Variants in GLI3 observed in about 807,000 individuals in gnomAD.
The protein encoded by GLI3 is transcription activator GLI3.
GLI3 carries 20 observed loss-of-function variants against 100.8 expected under a neutral mutation model. The ratio of observed to expected loss-of-function variants is 0.20; its 90% CI spans 0.14 to 0.29. The LOEUF (loss-of-function observed/expected upper bound fraction) is 0.29, where lower values mean the gene tolerates loss of function less well. Among genes scored for constraint, GLI3 ranks in the 10% least tolerant of loss-of-function variants. The pLI is 1.00. For missense variants in GLI3, 2,040 were observed against 2,128.5 expected (o/e 0.96, Z 0.82); for synonymous variants, 938 against 860.5 (o/e 1.09, Z -1.58).
chr7:42,079,903 C>A (rs1365906394), intron 3 of GLI3, among the ~76,000 whole-genome samples: 2 of 152,150 alleles, frequency 1.3e-5, no homozygotes, highest in African/African-American at 2.4e-5. Flanking sequence ...CCTCATATAT[C>A]CCCGAAGTAA....
At chr7:42,115,133 C>CTTTTTTT (rs56200386) in intron 3 of GLI3, among the ~76,000 whole-genome samples, 7 of 99,630 alleles carry the variant, frequency 7.0e-5, no homozygotes, top group Middle Eastern at 9.1e-3. Context: ...AATTTTCCTA[C>CTTTTTTT]TTTTTTTTTT....
chr7:42,126,701 A>G (rs1021290987), intron 3 of GLI3, among the ~76,000 whole-genome samples: 2 of 152,238 alleles, frequency 1.3e-5, no homozygotes, highest in African/African-American at 4.8e-5. Context: ...ACACTATCTT[A>G]TATCATGGTC....
intron 3 of GLI3, among the ~76,000 whole-genome samples, chr7:42,091,558 G>A (rs1785219692): frequency 6.6e-6 from 1 of 152,250 alleles, no homozygotes; most frequent in African/African-American, 2.4e-5. Flanking sequence ...CCATCCACCG[G>A]CCTGCTGTCC....
At chr7:42,209,773 GAGAA>G in intron 2 of GLI3, among the ~76,000 whole-genome samples, 1 of 150,720 alleles carries the variant, frequency 6.6e-6, no homozygotes, top group South Asian at 2.1e-4. Flanking sequence ...TGTTGTATAT[GAGAA>G]AGACTCAGCT....
intron 4 of GLI3, among the ~76,000 whole-genome samples, chr7:42,064,291 A>G (rs2128748232): frequency 6.6e-6 from 1 of 152,330 alleles, no homozygotes; most frequent in Middle Eastern, 3.4e-3. Context: ...AAAACAACGA[A>G]CAAATTTAAA....
chr7:42,235,046 C>T (rs1463602571), intron 1 of GLI3, among the ~76,000 whole-genome samples: 2 of 152,196 alleles, frequency 1.3e-5, no homozygotes, highest in Non-Finnish European at 1.5e-5. Context: ...GTCCCGGCAG[C>T]TTTAATATAT....
intron 2 of GLI3, among the ~76,000 whole-genome samples, chr7:42,197,072 T>C (rs913801889): frequency 6.6e-6 from 1 of 152,214 alleles, no homozygotes; most frequent in Non-Finnish European, 1.5e-5. Flanking sequence ...TAGGCCTTCC[T>C]GGCCCCTGAT....
chr7:42,117,770 T>C (rs765617825), intron 3 of GLI3, among the ~76,000 whole-genome samples: 14 of 152,002 alleles, frequency 9.2e-5, no homozygotes, highest in Non-Finnish European at 1.5e-4. Flanking sequence ...TACAGTAGAG[T>C]TTAGATTAAA....
At chr7:42,007,222 T>TAAAAA (rs35750462) in intron 10 of GLI3, among the ~76,000 whole-genome samples, 4 of 122,788 alleles carry the variant, frequency 3.3e-5, no homozygotes, top group African/African-American at 9.6e-5. Flanking sequence ...GGAGGAAATT[T>TAAAAA]AAAAAAAAAA....
intron 3 of GLI3, among the ~76,000 whole-genome samples, chr7:42,095,074 C>T (rs1164136172): frequency 6.6e-6 from 1 of 152,226 alleles, no homozygotes; most frequent in Non-Finnish European, 1.5e-5. Flanking sequence ...CAAGCACAGC[C>T]TGCTCGGGGG....
At chr7:42,012,136 G>T (rs1383803693) in intron 10 of GLI3, among the ~76,000 whole-genome samples, 2 of 152,152 alleles carry the variant, frequency 1.3e-5, no homozygotes, top group African/African-American at 2.4e-5. Flanking sequence ...TTGATGCATG[G>T]CCGAGGATCT....
intron 3 of GLI3, among the ~76,000 whole-genome samples, chr7:42,146,921 C>T (rs982738254): frequency 6.6e-6 from 1 of 152,172 alleles, no homozygotes. Context: ...AATAGCCTTC[C>T]TCCTTATTTC....
rs71006467 is a variant in GLI3 at position 42,246,805 on chromosome 7, C to CTTTTTTTTTTTTT, written c.-43+17176_-43+17188dup. The stretch of plus-strand genomic sequence containing the variant: ...TTAAAGGCTCATTGGATGATAGAAT[C>CTTTTTTTTTTTTT]TTTTTTTTTTTTTTTTTTTTTTTTT... On this transcript the variant is annotated intron_variant, in intron 1 of 2. Coordinates refer to the GLI3 transcript ENST00000678978. 1.1e-3 allele frequency among the ~76,000 whole-genome samples: 102 copies of CTTTTTTTTTTTTT among 94,948 alleles called. 8 individuals are homozygous for CTTTTTTTTTTTTT. Among genetic ancestry groups the CTTTTTTTTTTTTT allele is most frequent in the African/African-American group, 3.6e-3 (83 of 23,008 alleles). The allele number at this position is 94,948 out of a possible 152,430, so 62.3% of individuals were successfully genotyped here. A position where few individuals can be genotyped will look rare whatever the true frequency, so the allele number is the denominator to read the frequency against.
intron 2 of GLI3, among the ~76,000 whole-genome samples, chr7:42,156,819 C>A (rs181759551): frequency 6.6e-6 from 1 of 152,354 alleles, no homozygotes; most frequent in Admixed American, 6.5e-5. Flanking sequence ...CAGGTCCACA[C>A]CCTCCTCCCA....
chr7:42,085,741 C>T (rs1785089982), intron 3 of GLI3, among the ~76,000 whole-genome samples: 1 of 152,198 alleles, frequency 6.6e-6, no homozygotes, highest in African/African-American at 2.4e-5. Flanking sequence ...CCCTGAGGAG[C>T]TCTCAGGCAG....
chr7:42,148,214 A>G lies in GLI3; in HGVS notation c.367+12T>C, dbSNP rs1330728672. ...AGCTCCTGAACAAGTGCCGACTGGC[A>G]TGGGCACTTACGGTAGTGGGGCTCC... On this transcript the variant is annotated intron_variant, in intron 3 of 14. Coordinates refer to ENST00000395925, the MANE Select transcript of GLI3 (RefSeq NM_000168.6). The G allele has an allele frequency of 1.9e-6, 3 of 1,605,366 alleles. No homozygotes were observed. Among genetic ancestry groups the G allele is most frequent in the South Asian group, 2.2e-5 (2 of 89,910 alleles).
intron 10 of GLI3, among the ~76,000 whole-genome samples, chr7:41,999,707 T>A (rs1258115532): frequency 6.6e-6 from 1 of 152,222 alleles, no homozygotes; most frequent in Non-Finnish European, 1.5e-5. Flanking sequence ...TTGAATTTGA[T>A]AACATCCAAA....
At chr7:42,185,549 T>C (rs1397977539) in intron 2 of GLI3, among the ~76,000 whole-genome samples, 2 of 152,226 alleles carry the variant, frequency 1.3e-5, no homozygotes, top group Admixed American at 1.3e-4. Flanking sequence ...AGATGAGCTC[T>C]AGCTTCTGTC....
chr7:42,103,217 A>C (rs573298833), intron 3 of GLI3, among the ~76,000 whole-genome samples: 126 of 152,292 alleles, frequency 8.3e-4, no homozygotes, highest in African/African-American at 2.9e-3. Flanking sequence ...TGAGGGATTC[A>C]AGAGGGAGGG....
Sources: allele counts gnomAD v4.1 joint callset (sites outside exome capture counted in the v4.1 genomes callset), GRCh38; gene constraint gnomAD v4.1.1; transcripts MANE v1.5; gene names NCBI Gene and HGNC (gene_info 2026-07-23, HGNC 2026-07-21).